Variants in SHC1 observed in about 807,000 individuals in gnomAD.
SHC1 encodes the protein SHC adaptor protein 1.
SHC1 carries 30 observed loss-of-function variants against 55.9 expected under a neutral mutation model. The ratio of observed to expected loss-of-function variants is 0.54; its 90% confidence interval spans 0.40 to 0.73. The LOEUF is 0.73. Ranked by LOEUF, SHC1 falls within the 30% of genes least tolerant of loss-of-function variation. The pLI, the probability that SHC1 is intolerant of heterozygous loss-of-function variation, is 0.00. For synonymous variants in SHC1, 309 were observed against 306.1 expected, an observed-to-expected ratio of 1.01 and a Z score of -0.10; for missense variants, 675 against 777.1, an observed-to-expected ratio of 0.87 and a Z score of 1.56.
Position 154,966,040 on chromosome 1 carries a change from G to C in SHC1, c.1293C>G (p.Val431=). The change falls in exon 10 of 12, where the codon GTC becomes GTG. Residue 431 remains valine (V), a synonymous_variant. Coordinates refer to ENST00000448116, the MANE Select transcript of SHC1 (RefSeq NM_001130040.2). ...CTTGCCGGGCCTTGTCTAGGTTCTG[G>C]ACGTTGACATAGGAGGGATCATCAA... ...ELFDDPSYVN[V]QNLDKARQAV... The C allele has an allele frequency of 6.2e-7, 1 of 1,614,092 alleles. No homozygotes were observed. The highest frequency in any genetic ancestry group is 8.5e-7 in the Non-Finnish European group (1 of 1,180,014).
At chr1:154,969,852 G>A (rs1656512992) in intron 1 of SHC1, among the ~76,000 whole-genome samples, 180 bp downstream of exon 1, 1 of 151,936 alleles carries the variant, frequency 6.6e-6, no homozygotes, top group South Asian at 2.1e-4. Context: ...AGGGGGCCCA[G>A]GCAAAGCTGG....
rs367779090 is a variant in SHC1 at position 154,966,185 on chromosome 1, A to G, written c.1229T>C (p.Met410Thr). The stretch of plus-strand genomic sequence containing the variant: ...ACCTGGACAGGGTGGTGGAGGTGGC[A>G]TCTGTTTGCGGACTTCTGGATCTCC... ...VGGDPEVRKQ[M>T]PPPPPCPAGR... Residue 410 changes from methionine (M) to threonine (T), a missense_variant, in exon 9 of 12, where the codon ATG (methionine) becomes ACG (threonine). This residue lies in a region of SHC1 where 360 missense variants were observed against 371.1 expected (regional missense o/e 0.97). Coordinates refer to ENST00000448116, the MANE Select transcript of SHC1 (RefSeq NM_001130040.2). 6.2e-7 allele frequency: 1 copy of G among 1,614,004 alleles called. No individual in the cohort carries two copies. The highest frequency in any genetic ancestry group is 1.3e-5 in the African/African-American group (1 of 74,884).
Position 154,962,985 on chromosome 1 carries a change from G to A in SHC1, c.*818C>T, listed in dbSNP as rs916882124. The stretch of plus-strand genomic sequence containing the variant: ...ACCCCCACCCCGCCCTCCCAGAAAG[G>A]GAGGCAGGGCAGAGGCTTCAGGAGG... On this transcript the variant is annotated 3_prime_UTR_variant, in exon 12 of 12. Transcript: ENST00000448116. 4.6e-5 allele frequency: 7 copies of A among 152,786 alleles called. No individual in the cohort carries two copies. Among genetic ancestry groups the A allele is most frequent in the Admixed American group, 3.3e-4 (5 of 15,284 alleles). The allele number at this position is 152,786 out of a possible 1,614,324, so 9.5% of individuals were successfully genotyped here.
chr1:154,972,245 C>CA (rs796192783), upstream of SHC1, among the ~76,000 whole-genome samples: 2,240 of 130,832 alleles, frequency 0.017, 41 homozygotes, highest in African/African-American at 0.054. Context: ...AACTCCGTCT[C>CA]AAAAAAAAAA....
At chr1:154,967,336 C>T (rs1054587854) in intron 7 of SHC1, among the ~76,000 whole-genome samples, 1 of 152,222 alleles carries the variant, frequency 6.6e-6, no homozygotes, top group Middle Eastern at 3.4e-3. Flanking sequence ...TTCTTGATGG[C>T]TTCTAGAGGC....
At chr1:154,964,373 C>CA (rs201924242) in intron 11 of SHC1, 1,697 of 353,306 alleles carry the variant, frequency 4.8e-3, no homozygotes, top group Middle Eastern at 0.012. Flanking sequence ...CCATCTCTAC[C>CA]AAAAAAAAAA....
intron 7 of SHC1, among the ~76,000 whole-genome samples, chr1:154,967,181 G>A (rs1348623304): frequency 6.6e-6 from 1 of 151,802 alleles, no homozygotes; most frequent in Non-Finnish European, 1.5e-5. Flanking sequence ...TAGGGGGGTG[G>A]GGGGCCGGGG....
At chr1:154,973,216 AAG>A (rs1571462381), upstream of SHC1, 1 of 152,240 alleles carries the variant, frequency 6.6e-6, no homozygotes, top group Non-Finnish European at 1.5e-5. Flanking sequence ...GAGGTTAAGA[AAG>A]AGGAAAACGG....
At chr1:154,972,365 G>A (rs149877051), upstream of SHC1, among the ~76,000 whole-genome samples, 1 of 152,300 alleles carries the variant, frequency 6.6e-6, no homozygotes, top group African/African-American at 2.4e-5. Flanking sequence ...CTTGAAGTGT[G>A]TTAGATGCTG....
At chr1:154,967,891 G>T in intron 6 of SHC1, 89 bp downstream of exon 6, 2 of 1,601,468 alleles carry the variant, frequency 1.2e-6, no homozygotes, top group Non-Finnish European at 1.7e-6. Flanking sequence ...CCCCCACTGA[G>T]ATCTACTTAG....
intron 7 of SHC1, among the ~76,000 whole-genome samples, chr1:154,966,830 C>T (rs1656046999): frequency 6.6e-6 from 1 of 152,202 alleles, no homozygotes; most frequent in Non-Finnish European, 1.5e-5. Context: ...TGGCCAGGTG[C>T]AATGGCTCAC....
intron 11 of SHC1, chr1:154,964,180 A>G (rs953730632): frequency 4.9e-6 from 3 of 618,402 alleles, no homozygotes; most frequent in South Asian, 3.0e-5. Context: ...GCTGAGAGCT[A>G]TATACCCCTT....
rs1369799407 is a variant in SHC1 at position 154,965,966 on chromosome 1, G to A, written c.1367C>T (p.Pro456Leu). The A allele has an allele frequency of 2.0e-5, 32 of 1,613,316 alleles. No individual in the cohort carries two copies. Among genetic ancestry groups the A allele is most frequent in the Non-Finnish European group, 2.6e-5 (31 of 1,179,628 alleles). ...PPNPAINGSA[P>L]RDLFDMKPFE... ...CTCACTCATGTCAAACAGGTCCCGG[G>A]GTGCACTGCCATTGATAGCAGGATT... Residue 456 changes from proline (P) to leucine (L), a missense_variant, in exon 10 of 12, where the codon CCC (proline) becomes CTC (leucine). Around this residue, in one of 3 missense-constraint regions of SHC1, gnomAD observed 360 missense variants for 371.1 expected, o/e 0.97. Coordinates refer to ENST00000448116, the MANE Select transcript of SHC1 (RefSeq NM_001130040.2).
intron 10 of SHC1, 36 bp downstream of exon 10, chr1:154,965,910 G>A (rs1299990805): frequency 6.3e-7 from 1 of 1,593,506 alleles, no homozygotes; most frequent in Non-Finnish European, 8.6e-7. Context: ...CAAGTAGAAA[G>A]GTGGGGATGC....
At chr1:154,971,899 C>A (rs1256995263), upstream of SHC1, among the ~76,000 whole-genome samples, 1 of 151,752 alleles carries the variant, frequency 6.6e-6, no homozygotes, top group Admixed American at 6.6e-5. Flanking sequence ...TGCCACTGCT[C>A]TTCCGGAGAA....
At chr1:154,968,280 A>G in intron 4 of SHC1, 23 bp from the exon 5 acceptor site, 1 of 1,613,394 alleles carries the variant, frequency 6.2e-7, no homozygotes, top group Non-Finnish European at 8.5e-7. Context: ...GCAGGGGATG[A>G]AGAAGGAAGG....
chr1:154,969,730 G>C (rs1465920905), intron 1 of SHC1, among the ~76,000 whole-genome samples: 1 of 151,044 alleles, frequency 6.6e-6, no homozygotes, highest in African/African-American at 2.4e-5. Flanking sequence ...AGCGGGAGGA[G>C]AATGGAGGAA....
Position 154,968,847 on chromosome 1 carries a change from G to A in SHC1, c.567-13C>T, listed in dbSNP as rs1363343995. The A allele has an allele frequency of 5.6e-6, 9 of 1,613,180 alleles. No individual in the cohort carries two copies. The highest frequency in any genetic ancestry group is 5.0e-5 in the Admixed American group (3 of 59,990). ...ACTGATGGCCTCCCTGGGGAAAGAGGGGTACTCAGACCCAGCGCCTGCCTG... is the reference window on the plus strand; with the variant it reads ...ACTGATGGCCTCCCTGGGGAAAGAGAGGTACTCAGACCCAGCGCCTGCCTG... On this transcript the variant is annotated splice_polypyrimidine_tract_variant and intron_variant, in intron 2 of 11. Coordinates refer to ENST00000448116, the MANE Select transcript of SHC1 (RefSeq NM_001130040.2).
Position 154,968,617 on chromosome 1 carries a change from A to G in SHC1, c.631-3T>C. On this transcript the variant is annotated splice_polypyrimidine_tract_variant and splice_region_variant and intron_variant, in intron 3 of 11. Coordinates refer to ENST00000448116, the MANE Select transcript of SHC1 (RefSeq NM_001130040.2). Reference sequence around the variant, plus strand: ...GAGCTGAGCGGGCGGCTACAGGGCTAAGGTAGGGCCCAGGGTCTCAGAAGG... The same window carrying G: ...GAGCTGAGCGGGCGGCTACAGGGCTGAGGTAGGGCCCAGGGTCTCAGAAGG... 6.2e-7 allele frequency: 1 copy of G among 1,614,028 alleles called. No individual in the cohort carries two copies. The highest frequency in any genetic ancestry group is 8.5e-7 in the Non-Finnish European group (1 of 1,179,988).
Sources: gnomAD v4.1 joint callset for allele counts (sites outside exome capture counted in the v4.1 genomes callset) on GRCh38, gnomAD v4.1.1 for gene constraint, gnomAD v4.1.1 regional missense constraint, MANE v1.5 for transcripts, NCBI Gene and HGNC (gene_info 2026-07-23, HGNC 2026-07-21) for gene names.